The following PTPRD variants were observed in gnomAD, a reference collection of about 807,000 sequenced individuals.
PTPRD encodes receptor-type tyrosine-protein phosphatase delta.
A neutral mutation model predicts 214.5 loss-of-function variants in PTPRD; 34 were observed. The observed-to-expected ratio is 0.16, with a 90% CI of 0.12 to 0.21. The LOEUF (loss-of-function observed/expected upper bound fraction) is 0.21, where lower values mean the gene tolerates loss of function less well. Among genes scored for constraint, PTPRD ranks in the 10% least tolerant of loss-of-function variants. The pLI is 1.00. For synonymous variants in PTPRD, 1,128 were observed against 845.7 expected (o/e 1.33, Z -5.79); for missense variants, 2,545 against 2,398.7 (o/e 1.06, Z -1.27).
intron 3 of PTPRD, among the ~76,000 whole-genome samples, chr9:10,231,941 C>T (rs1248907381): frequency 2.1e-5 from 3 of 142,698 alleles, no homozygotes; most frequent in African/African-American, 8.2e-5. Context: ...TGTATTAGTT[C>T]TCTTGGGAAT....
chr9:9,380,673 G>A (rs1192816706), intron 9 of PTPRD, among the ~76,000 whole-genome samples: 1 of 152,112 alleles, frequency 6.6e-6, no homozygotes, highest in East Asian at 1.9e-4. Flanking sequence ...TGGATGAAGT[G>A]TCTATAGATG....
At chr9:9,087,878 CTTTTTTTTT>C (rs59824704) in intron 10 of PTPRD, among the ~76,000 whole-genome samples, 2 of 68,648 alleles carry the variant, frequency 2.9e-5, no homozygotes, top group South Asian at 6.1e-4. Context: ...GCCCTAAACT[CTTTTTTTTT>C]TTTTTTTTTT....
At chr9:9,742,041 A>G (rs1446736655) in intron 6 of PTPRD, among the ~76,000 whole-genome samples, 1 of 152,214 alleles carries the variant, frequency 6.6e-6, no homozygotes, top group African/African-American at 2.4e-5. Context: ...ACTGTCTTCA[A>G]CAATGGTTGA....
intron 11 of PTPRD, among the ~76,000 whole-genome samples, chr9:8,926,316 A>G (rs939661455): frequency 6.6e-6 from 1 of 152,130 alleles, no homozygotes; most frequent in African/African-American, 2.4e-5. Context: ...TACACAATCC[A>G]TTGCAGTATC....
chr9:9,916,973 A>C (rs1002410217), intron 5 of PTPRD, among the ~76,000 whole-genome samples: 5 of 151,890 alleles, frequency 3.3e-5, no homozygotes, highest in African/African-American at 1.2e-4. Context: ...TGGGTGTAGG[A>C]AAAAGTTAAG....
chr9:8,983,576 A>C (rs978682546), intron 11 of PTPRD, among the ~76,000 whole-genome samples: 6 of 151,806 alleles, frequency 4.0e-5, no homozygotes, highest in Admixed American at 2.0e-4. Flanking sequence ...GAGTGTAATC[A>C]CACATCACTG....
chr9:9,628,504 G>T (rs1474304031), intron 7 of PTPRD, among the ~76,000 whole-genome samples: 1 of 152,024 alleles, frequency 6.6e-6, no homozygotes, highest in East Asian at 1.9e-4. Context: ...TCCAGGATCT[G>T]CACACAGCTG....
intron 8 of PTPRD, among the ~76,000 whole-genome samples, chr9:9,527,805 T>C (rs1363906502): frequency 2.0e-5 from 3 of 152,186 alleles, no homozygotes; most frequent in Non-Finnish European, 4.4e-5. Context: ...ACTGTGTTTG[T>C]CCTTTTAGAC....
chr9:9,361,150 C>G (rs138770135), intron 9 of PTPRD, among the ~76,000 whole-genome samples: 5 of 150,990 alleles, frequency 3.3e-5, no homozygotes, highest in Admixed American at 6.6e-5. Context: ...ATTTGGGGGA[C>G]CCTATAGGTC....
intron 8 of PTPRD, among the ~76,000 whole-genome samples, chr9:9,484,111 G>C (rs927993196): frequency 1.3e-5 from 2 of 151,206 alleles, no homozygotes; most frequent in Non-Finnish European, 2.9e-5. Context: ...AAAAGTAATG[G>C]GTTAATAAGA....
At chr9:10,209,880 C>T (rs868312995) in intron 3 of PTPRD, among the ~76,000 whole-genome samples, 3 of 151,926 alleles carry the variant, frequency 2.0e-5, no homozygotes, top group Non-Finnish European at 4.4e-5. Flanking sequence ...ACATTAAAGG[C>T]CAGAAATAAT....
At chr9:9,716,044 C>G (rs1165235607) in intron 7 of PTPRD, among the ~76,000 whole-genome samples, 2 of 151,848 alleles carry the variant, frequency 1.3e-5, no homozygotes, top group African/African-American at 4.8e-5. Flanking sequence ...TGATGTCCCC[C>G]TTCCTGTGTC....
intron 7 of PTPRD, among the ~76,000 whole-genome samples, chr9:9,661,376 A>G (rs1289105962): frequency 6.6e-6 from 1 of 151,900 alleles, no homozygotes; most frequent in Non-Finnish European, 1.5e-5. Context: ...GATTCAGTTC[A>G]TCTCTTTCTT....
chr9:9,183,446 A>AT (rs2099929416), intron 9 of PTPRD, 83 bp from the exon 10 acceptor site: 1 of 151,980 alleles, frequency 6.6e-6, no homozygotes, highest in Non-Finnish European at 1.5e-5. Context: ...CTGTCACCCC[A>AT]TTTTTTAGTG....
intron 10 of PTPRD, among the ~76,000 whole-genome samples, chr9:9,158,807 C>T (rs960260026): frequency 6.6e-6 from 1 of 152,114 alleles, no homozygotes; most frequent in South Asian, 2.1e-4. Context: ...CAAAAATACT[C>T]AGTAAAATAT....
chr9:8,840,379 G>C (rs913260634), intron 11 of PTPRD, among the ~76,000 whole-genome samples: 1 of 152,288 alleles, frequency 6.6e-6, no homozygotes, highest in East Asian at 1.9e-4. Flanking sequence ...TGCCTGCTGC[G>C]ATCCATGTAA....
chr9:10,549,991 A>C (rs946736112), intron 2 of PTPRD, among the ~76,000 whole-genome samples: 1 of 152,064 alleles, frequency 6.6e-6, no homozygotes, highest in African/African-American at 2.4e-5. Flanking sequence ...CAAGTATTTC[A>C]CCCCTCTGGC....
At chr9:8,897,141 A>G (rs1412466574) in intron 11 of PTPRD, among the ~76,000 whole-genome samples, 1 of 152,172 alleles carries the variant, frequency 6.6e-6, no homozygotes, top group Non-Finnish European at 1.5e-5. Context: ...TTGTTGAGGT[A>G]GAGACAGAGG....
chr9:9,564,295 G>GTT, intron 8 of PTPRD, among the ~76,000 whole-genome samples: 1 of 152,076 alleles, frequency 6.6e-6, no homozygotes, highest in African/African-American at 2.4e-5. Flanking sequence ...AAGGAGCTAT[G>GTT]CCCAAGTTCT....
Sources: gnomAD v4.1 joint callset for allele counts (sites outside exome capture counted in the v4.1 genomes callset) on GRCh38, gnomAD v4.1.1 for gene constraint, MANE v1.5 for transcripts, NCBI Gene and HGNC (gene_info 2026-07-23, HGNC 2026-07-21) for gene names.